Variants in PTK2B observed in about 807,000 individuals in gnomAD.
The protein encoded by PTK2B is protein tyrosine kinase 2 beta.
Under a neutral mutation model 142.9 loss-of-function variants are expected in PTK2B, and 71 were observed. That is an observed-to-expected ratio of 0.50 (90% CI 0.41 to 0.61). The LOEUF (loss-of-function observed/expected upper bound fraction) is 0.61, where lower values mean the gene tolerates loss of function less well. Ranked by LOEUF, PTK2B falls within the 20% of genes least tolerant of loss-of-function variation. The probability of loss-of-function intolerance (pLI) is 0.00; values close to 1 mark genes in which losing one functional copy is unlikely to be tolerated. For synonymous variants in PTK2B, 519 were observed against 503.4 expected (o/e 1.03, Z -0.42); for missense variants, 1,105 against 1,320.4 (o/e 0.84, Z 2.53).
At chr8:27,343,709 A>C (rs1245333182) in intron 1 of PTK2B, among the ~76,000 whole-genome samples, 2 of 152,168 alleles carry the variant, frequency 1.3e-5, no homozygotes, top group East Asian at 1.9e-4. Flanking sequence ...CCTTTAAAAA[A>C]ATTTCTTTCG....
intron 7 of PTK2B, 72 bp downstream of exon 7, chr8:27,430,490 G>A: frequency 6.3e-7 from 1 of 1,585,992 alleles, no homozygotes. Flanking sequence ...TGAGGCTGGG[G>A]CTGGGGATAC....
intron 26 of PTK2B, 56 bp from the exon 27 acceptor site, chr8:27,451,429 G>A: frequency 1.2e-6 from 2 of 1,609,968 alleles, no homozygotes; most frequent in South Asian, 1.1e-5. Flanking sequence ...CCAGGGAGGG[G>A]GTTGTCTCCA....
chr8:27,326,880 C>T (rs1484857171), intron 1 of PTK2B: 1 of 152,578 alleles, frequency 6.6e-6, no homozygotes, highest in East Asian at 1.9e-4. Context: ...GGTGTGGGGA[C>T]AAGGTGAGTG....
chr8:27,443,984 G>A (rs1012394114), intron 22 of PTK2B, among the ~76,000 whole-genome samples: 1 of 152,214 alleles, frequency 6.6e-6, no homozygotes, highest in Non-Finnish European at 1.5e-5. Context: ...ATTAGCCATA[G>A]CCCCGGGAGG....
intron 2 of PTK2B, among the ~76,000 whole-genome samples, chr8:27,400,198 G>C (rs1473936322): frequency 1.3e-5 from 2 of 152,152 alleles, no homozygotes; most frequent in African/African-American, 4.8e-5. Flanking sequence ...GGAATGTGTG[G>C]TCAAAAAGAT....
intron 1 of PTK2B, among the ~76,000 whole-genome samples, chr8:27,332,431 C>G (rs544123831): frequency 6.6e-6 from 1 of 152,182 alleles, no homozygotes; most frequent in Non-Finnish European, 1.5e-5. Context: ...TGACTCTCGA[C>G]TCTGTCATAC....
intron 1 of PTK2B, among the ~76,000 whole-genome samples, chr8:27,367,865 G>A (rs1383646472): frequency 6.6e-6 from 1 of 152,126 alleles, no homozygotes; most frequent in Non-Finnish European, 1.5e-5. Context: ...ATTCATAAAG[G>A]ATCCACCACA....
At chr8:27,375,090 G>C (rs1806585057) in intron 1 of PTK2B, among the ~76,000 whole-genome samples, 1 of 152,238 alleles carries the variant, frequency 6.6e-6, no homozygotes, top group Non-Finnish European at 1.5e-5. Context: ...CCACCATCCT[G>C]TGAGGCTGGA....
intron 1 of PTK2B, among the ~76,000 whole-genome samples, chr8:27,348,664 C>T (rs1196257236): frequency 6.6e-6 from 1 of 152,122 alleles, no homozygotes; most frequent in Non-Finnish European, 1.5e-5. Flanking sequence ...GGCTCATCAT[C>T]CGGGGGCCCA....
chr8:27,397,491 G>A (rs1361621027), intron 1 of PTK2B, 57 bp from the exon 2 acceptor site: 1 of 1,328,294 alleles, frequency 7.5e-7, no homozygotes. Flanking sequence ...CTGGGGCCAT[G>A]AGGTATGTGG....
At chr8:27,413,640 C>T (rs1809203820) in intron 2 of PTK2B, among the ~76,000 whole-genome samples, 1 of 152,218 alleles carries the variant, frequency 6.6e-6, no homozygotes. Flanking sequence ...GCTGTGCTTA[C>T]CTGCTGCACC....
chr8:27,372,067 A>G (rs1186451598), intron 1 of PTK2B, among the ~76,000 whole-genome samples: 2 of 152,246 alleles, frequency 1.3e-5, no homozygotes, highest in Non-Finnish European at 2.9e-5. Context: ...CATGCCTGAT[A>G]CATACAAAGC....
chr8:27,432,663 C>T (rs975876285), intron 10 of PTK2B, among the ~76,000 whole-genome samples: 1 of 152,048 alleles, frequency 6.6e-6, no homozygotes, highest in Non-Finnish European at 1.5e-5. Flanking sequence ...CTAAGTTATA[C>T]CAAGAGAACA....
At chr8:27,369,927 A>C (rs1420539481) in intron 1 of PTK2B, among the ~76,000 whole-genome samples, 1 of 152,100 alleles carries the variant, frequency 6.6e-6, no homozygotes, top group African/African-American at 2.4e-5. Context: ...CAGTGAGCTG[A>C]GATCACACCA....
At chr8:27,346,067 T>C (rs1159686305) in intron 1 of PTK2B, among the ~76,000 whole-genome samples, 1 of 152,196 alleles carries the variant, frequency 6.6e-6, no homozygotes, top group African/African-American at 2.4e-5. Context: ...TCATTCCCTC[T>C]TGCAATTTTG....
intron 1 of PTK2B, among the ~76,000 whole-genome samples, chr8:27,351,820 G>T (rs1017391023): frequency 6.6e-6 from 1 of 152,156 alleles, no homozygotes; most frequent in Non-Finnish European, 1.5e-5. Context: ...AAAACCACCC[G>T]TTGAAGGGCA....
chr8:27,311,028 G>C (rs778326005), upstream of PTK2B: 1 of 1,606,934 alleles, frequency 6.2e-7, no homozygotes, highest in Admixed American at 1.7e-5. Flanking sequence ...TGGTTGGTGC[G>C]CAGGTCGGCG....
intron 5 of PTK2B, among the ~76,000 whole-genome samples, chr8:27,428,519 C>G (rs1275378541): frequency 6.6e-6 from 1 of 152,180 alleles, no homozygotes; most frequent in African/African-American, 2.4e-5. Context: ...TCTTAGTGTT[C>G]TAAGTTCTCT....
At chr8:27,435,397 A>G (rs2132120635) in intron 13 of PTK2B, among the ~76,000 whole-genome samples, 1 of 152,388 alleles carries the variant, frequency 6.6e-6, no homozygotes, top group African/African-American at 2.4e-5. Flanking sequence ...GAGGTACACA[A>G]ACATCCAGTC....
Sources: allele counts gnomAD v4.1 joint callset (sites outside exome capture counted in the v4.1 genomes callset), GRCh38; gene constraint gnomAD v4.1.1; transcripts MANE v1.5; gene names NCBI Gene and HGNC (gene_info 2026-07-23, HGNC 2026-07-21).